Variants in ADAMTSL1 observed in about 807,000 individuals in gnomAD.
ADAMTSL1 encodes ADAMTS like 1, also known as ADAMTS-like protein 1.
A neutral mutation model predicts 201.8 loss-of-function variants in ADAMTSL1; 126 were observed. The ratio of observed to expected loss-of-function variants is 0.62; its 90% CI spans 0.54 to 0.72. The LOEUF (loss-of-function observed/expected upper bound fraction) is 0.72. Ranked by LOEUF, ADAMTSL1 falls within the 30% of genes least tolerant of loss-of-function variation. The pLI is 0.00. For synonymous variants in ADAMTSL1, 1,121 were observed against 903.4 expected (o/e 1.24, Z -4.32); for missense variants, 2,679 against 2,277.8 (o/e 1.18, Z -3.59).
intron 1 of ADAMTSL1, among the ~76,000 whole-genome samples, chr9:17,923,633 T>C (rs1826398498): frequency 8.7e-6 from 1 of 114,832 alleles, no homozygotes; most frequent in African/African-American, 3.3e-5. Flanking sequence ...TCCTGCCTAA[T>C]TGCCCTGGCC....
chr9:18,222,173 A>G (rs916026826), intron 2 of ADAMTSL1, among the ~76,000 whole-genome samples: 5 of 151,910 alleles, frequency 3.3e-5, no homozygotes, highest in East Asian at 3.8e-4. Context: ...TTTATGTTCT[A>G]GAAGTATCCT....
intron 1 of ADAMTSL1, among the ~76,000 whole-genome samples, chr9:17,920,316 T>C (rs1826255816): frequency 6.6e-6 from 1 of 152,164 alleles, no homozygotes; most frequent in Admixed American, 6.6e-5. Flanking sequence ...CTGATTGCTT[T>C]TTGCGTACCC....
intron 23 of ADAMTSL1, among the ~76,000 whole-genome samples, chr9:18,844,919 C>T (rs1320035424): frequency 6.6e-6 from 1 of 152,154 alleles, no homozygotes; most frequent in African/African-American, 2.4e-5. Flanking sequence ...GGGAGTGACC[C>T]GATTTTCCAG....
intron 1 of ADAMTSL1, among the ~76,000 whole-genome samples, chr9:18,051,585 A>T (rs1394319395): frequency 1.3e-5 from 2 of 152,034 alleles, no homozygotes; most frequent in East Asian, 3.9e-4. Flanking sequence ...CTCCAAGATT[A>T]AGTGGGTATT....
intron 2 of ADAMTSL1, among the ~76,000 whole-genome samples, chr9:18,528,217 G>T (rs771838160): frequency 1.3e-5 from 2 of 151,774 alleles, no homozygotes; most frequent in Non-Finnish European, 1.5e-5. Flanking sequence ...TTAAGTTTGG[G>T]GTTCATGTGC....
chr9:18,306,958 C>A (rs552509939), intron 2 of ADAMTSL1, among the ~76,000 whole-genome samples: 1 of 152,310 alleles, frequency 6.6e-6, no homozygotes, highest in South Asian at 2.1e-4. Context: ...GGTTGGGTTA[C>A]CCACAAAGGG....
chr9:17,958,790 T>A (rs1252067385), intron 1 of ADAMTSL1, among the ~76,000 whole-genome samples: 1 of 152,184 alleles, frequency 6.6e-6, no homozygotes, highest in Admixed American at 6.5e-5. Flanking sequence ...TCTTGCCTGA[T>A]ATAAACAATA....
intron 15 of ADAMTSL1, among the ~76,000 whole-genome samples, chr9:18,740,586 C>T (rs1473010961): frequency 6.7e-6 from 1 of 149,874 alleles, no homozygotes; most frequent in Non-Finnish European, 1.5e-5. Context: ...CAGCGATTCT[C>T]CTGCCTCGCC....
At chr9:17,908,217 C>T (rs1172278475) in intron 1 of ADAMTSL1, among the ~76,000 whole-genome samples, 1 of 152,152 alleles carries the variant, frequency 6.6e-6, no homozygotes, top group African/African-American at 2.4e-5. Context: ...TATTAATTAT[C>T]AGCAAGTTGT....
intron 1 of ADAMTSL1, among the ~76,000 whole-genome samples, chr9:18,132,798 T>G (rs1826005381): frequency 6.6e-6 from 1 of 152,192 alleles, no homozygotes; most frequent in South Asian, 2.1e-4. Context: ...TCCTGCCATT[T>G]TTGTTGTTTA....
chr9:18,541,818 T>C (rs1820168696), intron 3 of ADAMTSL1, among the ~76,000 whole-genome samples: 1 of 152,230 alleles, frequency 6.6e-6, no homozygotes, highest in South Asian at 2.1e-4. Context: ...GGATGGCTGG[T>C]TAAATAAGGT....
chr9:18,292,243 A>G (rs942896043), intron 2 of ADAMTSL1, among the ~76,000 whole-genome samples: 3 of 152,076 alleles, frequency 2.0e-5, no homozygotes, highest in Non-Finnish European at 2.9e-5. Context: ...AAGTTCATAC[A>G]AAGTCCAGAT....
intron 1 of ADAMTSL1, among the ~76,000 whole-genome samples, chr9:18,066,100 G>A (rs562195917): frequency 3.0e-4 from 45 of 151,676 alleles, no homozygotes; most frequent in Non-Finnish European, 5.4e-4. Context: ...TTATGACAAG[G>A]TGATGTTATT....
At chr9:18,636,643 A>G (rs1827129865) in intron 6 of ADAMTSL1, among the ~76,000 whole-genome samples, 1 of 152,178 alleles carries the variant, frequency 6.6e-6, no homozygotes, top group Non-Finnish European at 1.5e-5. Context: ...TTGTGCAAAA[A>G]TTGATCTTCA....
chr9:18,194,035 G>A (rs1005507675), intron 2 of ADAMTSL1, among the ~76,000 whole-genome samples: 8 of 151,998 alleles, frequency 5.3e-5, no homozygotes, highest in East Asian at 1.9e-4. Flanking sequence ...TGAATTTGGC[G>A]GGGAGAAATG....
chr9:18,363,393 T>C (rs538137035), intron 2 of ADAMTSL1, among the ~76,000 whole-genome samples: 1 of 152,298 alleles, frequency 6.6e-6, no homozygotes, highest in South Asian at 2.1e-4. Context: ...GTATACAGGA[T>C]TTAATTAATT....
rs534293724 is a variant in ADAMTSL1 at position 18,614,181 on chromosome 9, G to T, written c.475-8062G>T. On this transcript the variant is annotated intron_variant, in intron 4 of 28. Coordinates refer to ENST00000380548, the MANE Select transcript of ADAMTSL1 (RefSeq NM_001040272.6). ...TAGGACACTGTGGGCTGTTGTAAGG[G>T]TCTGGTGAACCTGCAAGGAAATTTG... 2.6e-5 allele frequency among the ~76,000 whole-genome samples: 4 copies of T among 152,288 alleles called. No individual in the cohort carries two copies. In the South Asian group the frequency reaches 6.2e-4, roughly 24 times the overall value.
chr9:18,155,421 C>G (rs962142684), intron 1 of ADAMTSL1, among the ~76,000 whole-genome samples: 5 of 152,016 alleles, frequency 3.3e-5, no homozygotes, highest in African/African-American at 1.2e-4. Flanking sequence ...CTGTCACCCA[C>G]TAGTTCTGAT....
chr9:18,334,940 A>G (rs1325290522), intron 2 of ADAMTSL1, among the ~76,000 whole-genome samples: 2 of 151,828 alleles, frequency 1.3e-5, no homozygotes, highest in East Asian at 3.8e-4. Context: ...AATATTTTCT[A>G]TTGCTTTATT....
Sources: allele counts gnomAD v4.1 joint callset (sites outside exome capture counted in the v4.1 genomes callset), GRCh38; gene constraint gnomAD v4.1.1; transcripts MANE v1.5; gene names NCBI Gene and HGNC (gene_info 2026-07-23, HGNC 2026-07-21).